The following ERICH6B variants were observed in gnomAD, a reference collection of about 807,000 sequenced individuals.
ERICH6B encodes glutamate-rich protein 6B.
In ERICH6B, 69 loss-of-function variants were observed where a neutral mutation model predicts 80.0. The observed-to-expected ratio is 0.86, with a 90% confidence interval of 0.71 to 1.05. The LOEUF is 1.05. Among genes scored for constraint, ERICH6B ranks in the 50% least tolerant of loss-of-function variants. The pLI is 0.00. For missense variants in ERICH6B, 754 were observed against 796.1 expected, an observed-to-expected ratio of 0.95 and a Z score of 0.64; for synonymous variants, 283 against 291.9, an observed-to-expected ratio of 0.97 and a Z score of 0.31.
rs746143362 is a variant in ERICH6B, at chr13:45,604,705, C to A, written c.-59+2859G>T. Among the ~76,000 whole-genome samples the A allele has an allele frequency of 2.4e-3, 331 of 140,544 alleles. 1 individual carries two copies. Among genetic ancestry groups the A allele is most frequent in the African/African-American group, 0.011 (325 of 30,714 alleles). The allele number at this position is 140,544 out of a possible 152,430, so 92.2% of individuals were successfully genotyped here. ...TTTTTGGCTGGAAAAAACAAACAAA[C>A]AAACAAACAAAACACCAAGAAGAAG... On this transcript the variant is annotated intron_variant, in intron 2 of 14. Coordinates refer to ENST00000298738, the MANE Select transcript of ERICH6B (RefSeq NM_182542.3).
intron 8 of ERICH6B, among the ~76,000 whole-genome samples, chr13:45,573,381 G>A (rs908721749): frequency 5.9e-5 from 9 of 152,110 alleles, no homozygotes; most frequent in African/African-American, 1.2e-4. Context: ...GTGTATATGC[G>A]TTAAAATTTC....
chr13:45,565,288 C>A (rs891674481), intron 9 of ERICH6B, among the ~76,000 whole-genome samples: 2 of 152,144 alleles, frequency 1.3e-5, no homozygotes, highest in African/African-American at 4.8e-5. Flanking sequence ...AACTTGCCCA[C>A]GTGATTAGGT....
intron 7 of ERICH6B, among the ~76,000 whole-genome samples, chr13:45,577,823 C>T (rs1423797718): frequency 2.0e-5 from 3 of 152,146 alleles, no homozygotes; most frequent in Admixed American, 2.0e-4. Flanking sequence ...AAACTCTTGG[C>T]CTCAAGTGAT....
intron 11 of ERICH6B, among the ~76,000 whole-genome samples, chr13:45,557,748 T>C (rs1874499766): frequency 6.6e-6 from 1 of 152,206 alleles, no homozygotes; most frequent in Admixed American, 6.5e-5. Flanking sequence ...TATAGGTATT[T>C]GGGTTTATTG....
At chr13:45,573,145 A>C (rs1875246715) in intron 8 of ERICH6B, among the ~76,000 whole-genome samples, 1 of 152,148 alleles carries the variant, frequency 6.6e-6, no homozygotes, top group Non-Finnish European at 1.5e-5. Context: ...TGTACCATTC[A>C]TTGCATTGAA....
intron 4 of ERICH6B, among the ~76,000 whole-genome samples, chr13:45,588,794 C>T (rs1450559788): frequency 6.6e-6 from 1 of 152,180 alleles, no homozygotes; most frequent in Non-Finnish European, 1.5e-5. Flanking sequence ...TCTCACCTGC[C>T]GGGAAGCAGA....
intron 2 of ERICH6B, among the ~76,000 whole-genome samples, 184 bp downstream of exon 2, chr13:45,607,380 A>T (rs1227743811): frequency 6.6e-6 from 1 of 152,258 alleles, no homozygotes. Flanking sequence ...AATGCAATGC[A>T]TTGAAAATGC....
chr13:45,594,386 T>C (rs940069090), intron 3 of ERICH6B, among the ~76,000 whole-genome samples: 1 of 152,146 alleles, frequency 6.6e-6, no homozygotes, highest in Admixed American at 6.5e-5. Flanking sequence ...CCTACTCTAG[T>C]GGGTAATATA....
At chr13:45,595,557 TG>T (rs1876328488) in intron 3 of ERICH6B, among the ~76,000 whole-genome samples, 1 of 151,962 alleles carries the variant, frequency 6.6e-6, no homozygotes. Flanking sequence ...AAAATAAGTC[TG>T]GGGAAGATAT....
intron 11 of ERICH6B, among the ~76,000 whole-genome samples, chr13:45,550,778 C>A (rs1182157226): frequency 6.6e-6 from 1 of 152,124 alleles, no homozygotes; most frequent in African/African-American, 2.4e-5. Flanking sequence ...TGATGCATCA[C>A]CCCAGTCTCT....
At position 45,574,842 on chromosome 13, in the gene ERICH6B, G is replaced by T. The variant is rs373039618; in HGVS notation, c.1050C>A (p.Asn350Lys). ...GGTCTCAAGTTTTTATCCAACTTAC[G>T]TTTTCATCTAAATCTTCCACTTCCA... Reference protein sequence around the residue: ...DKLEVEDLDENFLNSSYQTVF... With the variant: ...DKLEVEDLDEKFLNSSYQTVF... The change falls in exon 8 of 15, where the codon AAC becomes AAA. Residue 350 changes from asparagine (N) to lysine (K), a missense_variant and splice_region_variant. Transcript: ENST00000298738. 3.2e-6 allele frequency: 5 copies of T among 1,545,808 alleles called. No homozygotes were observed. Among genetic ancestry groups the T allele is most frequent in the Admixed American group, 2.0e-5 (1 of 50,908 alleles).
At chr13:45,572,687 T>C (rs1487851782) in intron 8 of ERICH6B, among the ~76,000 whole-genome samples, 6 of 151,972 alleles carry the variant, frequency 3.9e-5, no homozygotes, top group Non-Finnish European at 8.8e-5. Flanking sequence ...GAAAACAAAA[T>C]ACAAACTGGA....
chr13:45,597,676 A>G (rs985413657), intron 2 of ERICH6B, among the ~76,000 whole-genome samples: 10 of 151,762 alleles, frequency 6.6e-5, no homozygotes, highest in African/African-American at 2.2e-4. Context: ...GAGCATCTTG[A>G]CTCCTCCAGG....
intron 10 of ERICH6B, chr13:45,563,518 C>T (rs911718212): frequency 2.2e-5 from 13 of 597,466 alleles, no homozygotes; most frequent in Non-Finnish European, 2.7e-5. Flanking sequence ...CTGCCCCTGC[C>T]ACCAAGAAAG....
intron 5 of ERICH6B, among the ~76,000 whole-genome samples, chr13:45,585,185 G>A (rs1281927865): frequency 6.6e-6 from 1 of 152,150 alleles, no homozygotes; most frequent in East Asian, 1.9e-4. Flanking sequence ...AGCGTGGCTA[G>A]GTAGCTGGTT....
chr13:45,567,533 G>A (rs1344308076), intron 9 of ERICH6B, among the ~76,000 whole-genome samples: 3 of 152,158 alleles, frequency 2.0e-5, no homozygotes, highest in Admixed American at 1.3e-4. Flanking sequence ...ATTATAAGGA[G>A]GAGTTTCCCT....
In ERICH6B at chr13:45,587,111, T is replaced by A. The variant is rs1297693885; in HGVS notation, c.808A>T (p.Arg270Trp). The change falls in exon 5 of 15, where the codon AGG becomes TGG. Residue 270 changes from arginine (R) to tryptophan (W), a missense_variant. Arg to Trp is a moderately radical substitution (Grantham distance 101). Transcript: ENST00000298738. ...ESSELLLTLYRRSQASQTDWC... is the reference protein window; with the variant it reads ...ESSELLLTLYWRSQASQTDWC... ...TCTGTCTGACTGGCCTGGCTCCTCC[T>A]GTACAATGTCAGAAGCAACTCAGAA... is the stretch of plus-strand genomic sequence containing the variant. The A allele has an allele frequency of 6.4e-7, 1 of 1,551,618 alleles. No individual in the cohort carries two copies. The highest frequency in any genetic ancestry group is 8.7e-7 in the Non-Finnish European group (1 of 1,147,010).
chr13:45,563,909 A>C (rs765312034), intron 9 of ERICH6B, 121 bp from the exon 10 acceptor site: 9 of 780,198 alleles, frequency 1.2e-5, no homozygotes, highest in Admixed American at 4.9e-5. Flanking sequence ...AATGGGGCCA[A>C]TGGCTTTGCT....
intron 2 of ERICH6B, among the ~76,000 whole-genome samples, chr13:45,599,386 A>G (rs1949811420): frequency 6.6e-6 from 1 of 152,180 alleles, no homozygotes; most frequent in African/African-American, 2.4e-5. Context: ...TCAAAAGAGA[A>G]AACTGCAACA....
Sources: gnomAD v4.1 joint callset for allele counts (sites outside exome capture counted in the v4.1 genomes callset) on GRCh38, gnomAD v4.1.1 for gene constraint, MANE v1.5 for transcripts, NCBI Gene and HGNC (gene_info 2026-07-23, HGNC 2026-07-21) for gene names.